The following GABRR2 variants were observed in gnomAD, a reference collection of about 807,000 sequenced individuals.
GABRR2 encodes gamma-aminobutyric acid type A receptor subunit rho2.
In GABRR2, 36 loss-of-function variants were observed where a neutral mutation model predicts 47.0. The ratio of observed to expected loss-of-function variants is 0.77; its 90% CI spans 0.59 to 1.01. GABRR2 has a LOEUF of 1.01. GABRR2 is among the 50% of genes least tolerant of loss of function. The probability of loss-of-function intolerance (pLI) is 0.00; values close to 1 mark genes in which losing one functional copy is unlikely to be tolerated. For synonymous variants in GABRR2, 204 were observed against 227.5 expected (o/e 0.90, Z 0.93); for missense variants, 587 against 594.6 (o/e 0.99, Z 0.13).
At chr6:89,290,627 C>T (rs1226154972) in intron 2 of GABRR2, among the ~76,000 whole-genome samples, 1 of 152,216 alleles carries the variant, frequency 6.6e-6, no homozygotes, top group Admixed American at 6.5e-5. Flanking sequence ...CGAGCAGGGC[C>T]CCTCTTGCCT....
At chr6:89,284,629 C>T (rs749257028) in intron 2 of GABRR2, among the ~76,000 whole-genome samples, 31 of 152,138 alleles carry the variant, frequency 2.0e-4, no homozygotes, top group African/African-American at 2.9e-4. Context: ...AGAATGTGGA[C>T]GGCCTCTAGA....
At chr6:89,306,205 C>T (rs1451480395) in intron 1 of GABRR2, among the ~76,000 whole-genome samples, 3 of 150,534 alleles carry the variant, frequency 2.0e-5, no homozygotes, top group Admixed American at 6.6e-5. Flanking sequence ...AGCAAGACCC[C>T]GTCCCTTTAA....
Position 89,265,693 on chromosome 6 carries a change from A to T in GABRR2, c.809T>A (p.Phe270Tyr). Reference protein sequence around the residue: ...HIFFFLLQTYFPATLMVMLSW... With the variant: ...HIFFFLLQTYYPATLMVMLSW... ...CAGCATGACCATCAGAGTGGCAGGG[A>T]AATATGTTTGGAGCAAGAAGAAGAA... is the stretch of plus-strand genomic sequence containing the variant. The change falls in exon 7 of 9, where the codon TTC becomes TAC. Residue 270 changes from phenylalanine to tyrosine, a missense_variant. Phe to Tyr is a conservative substitution (Grantham distance 22, BLOSUM62 3). Transcript: ENST00000402938. 1.3e-6 allele frequency: 2 copies of T among 1,599,802 alleles called. No homozygotes were observed. The highest frequency in any genetic ancestry group is 2.7e-5 in the African/African-American group (2 of 74,664).
At chr6:89,268,649 T>G (rs12153891) in intron 4 of GABRR2, among the ~76,000 whole-genome samples, 34,528 of 106,610 alleles carry the variant, frequency 0.32, 4,533 homozygotes, top group African/African-American at 0.45. Context: ...GCTATTTTTT[T>G]GGGGGACGGG....
intron 1 of GABRR2, among the ~76,000 whole-genome samples, chr6:89,314,308 C>A (rs1016300758): frequency 6.6e-6 from 1 of 152,154 alleles, no homozygotes; most frequent in African/African-American, 2.4e-5. Context: ...GCTGCTTGTT[C>A]TTTTCTTATC....
chr6:89,291,396 C>G (rs1473868586), intron 2 of GABRR2, among the ~76,000 whole-genome samples: 1 of 152,122 alleles, frequency 6.6e-6, no homozygotes, highest in Non-Finnish European at 1.5e-5. Context: ...CTGAACTCAG[C>G]AAAGCCCTCC....
chr6:89,272,664 G>A (rs1208733798), intron 2 of GABRR2, among the ~76,000 whole-genome samples: 2 of 152,224 alleles, frequency 1.3e-5, no homozygotes, highest in Non-Finnish European at 2.9e-5. Flanking sequence ...TTGTCCAGAG[G>A]CCAGCCTAGC....
intron 7 of GABRR2, 81 bp downstream of exon 7, chr6:89,265,532 G>T: frequency 6.8e-7 from 1 of 1,466,138 alleles, no homozygotes; most frequent in Non-Finnish European, 9.2e-7. Context: ...AGAAGTCTAA[G>T]TAATGATTTT....
At position 89,273,589 on chromosome 6, in the gene GABRR2, A is replaced by T. The variant is rs1471521881; in HGVS notation, c.221-1867T>A. On this transcript the variant is annotated intron_variant, in intron 2 of 8. Transcript: ENST00000402938. ...GTGCTTTGAGGGTGCCAGAAATGGG[A>T]TGGTCCCTGTGGGAGGAGGCCCCTC... Among the ~76,000 whole-genome samples, 4 of 152,126 alleles carry T rather than the reference A, an allele frequency of 2.6e-5. No homozygotes were observed. In the East Asian group the frequency reaches 7.7e-4, roughly 29 times the overall value.
chr6:89,302,003 A>C, intron 1 of GABRR2: 1 of 714,616 alleles, frequency 1.4e-6, no homozygotes. Flanking sequence ...GACCATGGAC[A>C]GTGTCGGCTC....
chr6:89,303,647 G>GA (rs34541330), intron 1 of GABRR2, among the ~76,000 whole-genome samples: 4,744 of 102,458 alleles, frequency 0.046, 103 homozygotes, highest in Non-Finnish European at 0.062. Flanking sequence ...TCTTAAGGAG[G>GA]AAAAAAAAAA....
chr6:89,255,125 T>C lies in GABRR2; in HGVS notation c.*2545A>G, dbSNP rs1203892583. Among the ~76,000 whole-genome samples, 1 of 152,176 alleles carries C rather than the reference T, an allele frequency of 6.6e-6. No homozygotes were observed. The highest frequency in any genetic ancestry group is 6.5e-5 in the Admixed American group (1 of 15,276). On this transcript the variant is annotated 3_prime_UTR_variant, in exon 9 of 9. Coordinates refer to ENST00000402938, the MANE Select transcript of GABRR2 (RefSeq NM_002043.5). ...TCATTCTTCGAGCAGCACTGTGGCCTGGGAGAGTCTCTATAGATAAAAGGT... is the reference window on the plus strand; with the variant it reads ...TCATTCTTCGAGCAGCACTGTGGCCCGGGAGAGTCTCTATAGATAAAAGGT...
intron 2 of GABRR2, among the ~76,000 whole-genome samples, chr6:89,294,631 G>T: frequency 6.6e-6 from 1 of 151,948 alleles, no homozygotes; most frequent in Non-Finnish European, 1.5e-5. Flanking sequence ...GGGTGGGTTG[G>T]GCCCAGGCTC....
rs200936065 is a variant in GABRR2 at position 89,268,907 on chromosome 6, G to A, written c.512+104C>T. ...GCATCAGAAGGCTCCTCCCATCCACGAACCCACAGACCCAACCGCAGTGAC... is the reference window on the plus strand; with the variant it reads ...GCATCAGAAGGCTCCTCCCATCCACAAACCCACAGACCCAACCGCAGTGAC... On this transcript the variant is annotated intron_variant, in intron 4 of 8. Coordinates refer to ENST00000402938, the MANE Select transcript of GABRR2 (RefSeq NM_002043.5). 21 of 985,894 alleles carry A rather than the reference G, an allele frequency of 2.1e-5. No homozygotes were observed. In the East Asian group the frequency reaches 4.3e-4, roughly 20 times the overall value. The allele number at this position is 985,894 out of a possible 1,614,324, so 61.1% of individuals were successfully genotyped here.
At chr6:89,305,496 T>C (rs918470978) in intron 1 of GABRR2, among the ~76,000 whole-genome samples, 3 of 151,822 alleles carry the variant, frequency 2.0e-5, no homozygotes, top group Middle Eastern at 3.2e-3. Flanking sequence ...CTGAGCAACA[T>C]GGTGCCACAT....
At chr6:89,277,264 G>C (rs1174886124) in intron 2 of GABRR2, among the ~76,000 whole-genome samples, 1 of 152,128 alleles carries the variant, frequency 6.6e-6, no homozygotes, top group African/African-American at 2.4e-5. Context: ...TTGTGAAGAA[G>C]GTGCCTTGCT....
intron 8 of GABRR2, among the ~76,000 whole-genome samples, chr6:89,259,206 TTCTGACCTGGCTC>T (rs1773681992): frequency 6.6e-6 from 1 of 152,112 alleles, no homozygotes; most frequent in African/African-American, 2.4e-5. Context: ...TTGAATATGT[TTCTGACCTGGCTC>T]TCAGCCCTTC....
At chr6:89,294,242 T>A (rs1774518709) in intron 2 of GABRR2, among the ~76,000 whole-genome samples, 1 of 152,122 alleles carries the variant, frequency 6.6e-6, no homozygotes, top group South Asian at 2.1e-4. Flanking sequence ...CCTCCTGAGT[T>A]CAAGCAATTA....
intron 6 of GABRR2, 36 bp downstream of exon 6, chr6:89,267,643 G>A (rs376422328): frequency 1.3e-5 from 20 of 1,583,940 alleles, no homozygotes; most frequent in Middle Eastern, 3.4e-4. Context: ...GTGCTTTCTT[G>A]CACATTTGAA....
Sources: gnomAD v4.1 joint callset for allele counts (sites outside exome capture counted in the v4.1 genomes callset) on GRCh38, gnomAD v4.1.1 for gene constraint, MANE v1.5 for transcripts, NCBI Gene and HGNC (gene_info 2026-07-23, HGNC 2026-07-21) for gene names.